SYT16: variants seen among roughly 807,000 people sequenced by gnomAD.
SYT16 encodes the protein synaptotagmin-16.
A neutral mutation model predicts 61.4 loss-of-function variants in SYT16; 42 were observed. The ratio of observed to expected loss-of-function variants is 0.68; its 90% CI spans 0.53 to 0.89. The LOEUF (loss-of-function observed/expected upper bound fraction) is 0.89, where lower values mean the gene tolerates loss of function less well. Among genes scored for constraint, SYT16 ranks in the 40% least tolerant of loss-of-function variants. SYT16 has a pLI of 0.00. For missense variants in SYT16, 804 were observed against 807.3 expected (o/e 1.00, Z 0.05); for synonymous variants, 314 against 302.3 (o/e 1.04, Z -0.40).
intron 1 of SYT16, among the ~76,000 whole-genome samples, chr14:61,951,624 T>A (rs1018500605): frequency 6.6e-6 from 1 of 152,138 alleles, no homozygotes; most frequent in Admixed American, 6.5e-5. Context: ...TATCTCTCAA[T>A]CTCTCTCATT....
chr14:62,090,160 C>T (rs913433632), intron 7 of SYT16, among the ~76,000 whole-genome samples: 5 of 152,190 alleles, frequency 3.3e-5, no homozygotes, highest in African/African-American at 7.2e-5. Flanking sequence ...TGCTATGTCT[C>T]CTTCTACAGT....
At chr14:61,923,960 GAATA>G (rs951886754) in intron 1 of SYT16, among the ~76,000 whole-genome samples, 2 of 152,092 alleles carry the variant, frequency 1.3e-5, no homozygotes, top group African/African-American at 4.8e-5. Flanking sequence ...TTGCAGAAAT[GAATA>G]GTTTCCCTTA....
chr14:62,041,976 C>T (rs946989333), intron 3 of SYT16, among the ~76,000 whole-genome samples: 2 of 152,104 alleles, frequency 1.3e-5, no homozygotes, highest in Non-Finnish European at 2.9e-5. Context: ...CTATAAGTTT[C>T]ATTTGAATCT....
At chr14:61,956,664 T>C (rs2050889067) in intron 1 of SYT16, among the ~76,000 whole-genome samples, 1 of 152,046 alleles carries the variant, frequency 6.6e-6, no homozygotes, top group South Asian at 2.1e-4. Context: ...GAGCTATCTC[T>C]CTGTTTTTAT....
chr14:61,997,263 G>C (rs538443693), intron 3 of SYT16, among the ~76,000 whole-genome samples: 2 of 152,164 alleles, frequency 1.3e-5, no homozygotes, highest in South Asian at 4.1e-4. Flanking sequence ...ATTCCACCTG[G>C]TTAAGGGACA....
chr14:62,090,078 T>C (rs1004995820), intron 7 of SYT16, among the ~76,000 whole-genome samples: 1 of 152,252 alleles, frequency 6.6e-6, no homozygotes, highest in Non-Finnish European at 1.5e-5. Flanking sequence ...AAGCTAGTGT[T>C]ACAGATATAC....
chr14:62,054,963 C>A lies in SYT16; in HGVS notation c.524-14640C>A, dbSNP rs145369209. ...TTCAGCCTGTTTACACATCCCAGGC[C>A]CTTCATTTTAGAATCTATGGCAATG... On this transcript the variant is annotated intron_variant, in intron 3 of 7. Coordinates refer to ENST00000683842, the MANE Select transcript of SYT16 (RefSeq NM_001367656.1). Among the ~76,000 whole-genome samples, 574 of 152,084 alleles carry A rather than the reference C, an allele frequency of 3.8e-3. 10 individuals carry two copies. The highest frequency in any genetic ancestry group is 3.6e-3 in the Non-Finnish European group (246 of 67,994).
At chr14:61,861,930 A>C (rs564122794) in intron 1 of SYT16, among the ~76,000 whole-genome samples, 8 of 152,356 alleles carry the variant, frequency 5.3e-5, no homozygotes, top group Admixed American at 3.3e-4. Context: ...TGCTAAAAAA[A>C]TACTGGCACA....
intron 6 of SYT16, 139 bp downstream of exon 6, chr14:62,081,413 G>A (rs1389946143): frequency 6.6e-6 from 6 of 910,196 alleles, no homozygotes; most frequent in Non-Finnish European, 9.8e-6. Context: ...ACCCTTGTAA[G>A]CCATGATTTG....
intron 1 of SYT16, among the ~76,000 whole-genome samples, chr14:61,852,850 A>G (rs1461254727): frequency 6.6e-6 from 1 of 152,232 alleles, no homozygotes; most frequent in South Asian, 2.1e-4. Flanking sequence ...TAGGATTTTT[A>G]AAAGTCAAAT....
At chr14:62,048,775 ATTTGAGGGGT>A (rs1399057513) in intron 3 of SYT16, among the ~76,000 whole-genome samples, 1 of 152,102 alleles carries the variant, frequency 6.6e-6, no homozygotes, top group African/African-American at 2.4e-5. Context: ...GTTTCCGTGT[ATTTGAGGGGT>A]TTTGAGTGAG....
chr14:61,988,109 G>T (rs1444237610), intron 2 of SYT16, among the ~76,000 whole-genome samples: 7 of 152,056 alleles, frequency 4.6e-5, no homozygotes, highest in African/African-American at 1.7e-4. Context: ...CTCCTCTACT[G>T]GGGGCCAGTA....
At chr14:61,909,983 A>G (rs1307156646) in intron 1 of SYT16, among the ~76,000 whole-genome samples, 1 of 152,080 alleles carries the variant, frequency 6.6e-6, no homozygotes, top group African/African-American at 2.4e-5. Context: ...TTTAATACAG[A>G]GGTTGTTGCA....
chr14:61,911,345 T>G (rs1039964475), intron 1 of SYT16, among the ~76,000 whole-genome samples: 1 of 152,168 alleles, frequency 6.6e-6, no homozygotes. Flanking sequence ...TTAGGTAGTT[T>G]TAAGTATTTT....
intron 1 of SYT16, among the ~76,000 whole-genome samples, chr14:61,856,461 A>C (rs1243992441): frequency 6.6e-6 from 1 of 152,222 alleles, no homozygotes; most frequent in East Asian, 1.9e-4. Context: ...AGGATAGAAC[A>C]GACAGGATTT....
At chr14:61,964,323 CAATATT>C (rs2051225016) in intron 1 of SYT16, among the ~76,000 whole-genome samples, 1 of 152,028 alleles carries the variant, frequency 6.6e-6, no homozygotes, top group Non-Finnish European at 1.5e-5. Flanking sequence ...GTCAAAATAT[CAATATT>C]AACAAGAGTT....
chr14:62,018,298 CTTTTTTTTTTTTTTTT>C (rs776473522), intron 3 of SYT16, among the ~76,000 whole-genome samples: 3 of 51,622 alleles, frequency 5.8e-5, no homozygotes, highest in African/African-American at 2.5e-4. Flanking sequence ...TCTTCTTCTT[CTTTTTTTTTTTTTTTT>C]TTTTTTTTTT....
chr14:62,043,130 A>AT lies in SYT16; in HGVS notation c.524-26468dup, dbSNP rs1365141202. 5.8e-5 allele frequency among the ~76,000 whole-genome samples: 8 copies of AT among 137,778 alleles called. No homozygotes were observed. The East Asian group carries it at 1.2e-3, about 21-fold the overall frequency. 90.4% of individuals were successfully genotyped at this position (137,778 alleles called of 152,430 possible). A position where few individuals can be genotyped will look rare whatever the true frequency, so the allele number is the denominator to read the frequency against. On this transcript the variant is annotated intron_variant, in intron 3 of 7. Transcript: ENST00000683842. ...TTTTTTTTTTTACATAGAAAGTTCT[A>AT]TTTTTGAAATTTTATTTCTTGCTTT...
chr14:61,842,140 A>G (rs2140254043), intron 1 of SYT16, among the ~76,000 whole-genome samples: 1 of 152,338 alleles, frequency 6.6e-6, no homozygotes, highest in South Asian at 2.1e-4. Context: ...ATGTAAAATG[A>G]GGGATCTCTA....
Sources: gnomAD v4.1 joint callset for allele counts (sites outside exome capture counted in the v4.1 genomes callset) on GRCh38, gnomAD v4.1.1 for gene constraint, MANE v1.5 for transcripts, NCBI Gene and HGNC (gene_info 2026-07-23, HGNC 2026-07-21) for gene names.